FANCL: variants seen among roughly 807,000 people sequenced by gnomAD.
The protein encoded by FANCL is E3 ubiquitin-protein ligase FANCL.
FANCL carries 69 observed loss-of-function variants against 59.4 expected under a neutral mutation model. The observed-to-expected ratio is 1.16, with a 90% CI of 0.96 to 1.42. The LOEUF (loss-of-function observed/expected upper bound fraction) is 1.42, where lower values mean the gene tolerates loss of function less well. Among genes scored for constraint, FANCL ranks in the 40% most tolerant of loss-of-function variants. FANCL has a pLI of 0.00. For missense variants in FANCL, 519 were observed against 447.2 expected (o/e 1.16, Z -1.45); for synonymous variants, 180 against 147.1 (o/e 1.22, Z -1.62).
rs370169018 is a variant in FANCL, at chr2:58,220,374, T to C, written c.374+1568A>G. ...AAGAGGTATGGCCCACTCAGTCAAA[T>C]TTTAGTGGTTAAAACAAAAGGGAAA... On this transcript the variant is annotated intron_variant, in intron 5 of 13. Transcript: ENST00000233741. 3.3e-4 allele frequency among the ~76,000 whole-genome samples: 51 copies of C among 152,328 alleles called. 1 individual carries two copies. In the East Asian group the frequency reaches 5.6e-3, roughly 17 times the overall value.
In FANCL at chr2:58,226,749, C is replaced by T; in HGVS notation, c.252G>A (p.Met84Ile). 6.2e-7 allele frequency: 1 copy of T among 1,613,232 alleles called. No individual in the cohort carries two copies. Among genetic ancestry groups the T allele is most frequent in the Non-Finnish European group, 8.5e-7 (1 of 1,179,600 alleles). ...TTACCAAAAGCATCTTCAACTCCAT[C>T]ATAAAGCTCATTAGATCAGGAGAGT... ...MQHSPDLMSF[M>I]MELKMLLEVA... Residue 84 changes from methionine to isoleucine, a missense_variant, in exon 4 of 14, where the codon ATG becomes ATA. Coordinates refer to ENST00000233741, the MANE Select transcript of FANCL (RefSeq NM_018062.4).
chr2:58,241,321 A>G lies in FANCL; in HGVS notation c.-8T>C, dbSNP rs1289036448. On this transcript the variant is annotated 5_prime_UTR_variant, in exon 1 of 14. Transcript: ENST00000233741. ...CGCTTCCGTCACCGCCATGGCTCGA[A>G]GTCCGGAGAAACACAGAAAAGCTCT... is the stretch of plus-strand genomic sequence containing the variant. 6.2e-7 allele frequency: 1 copy of G among 1,613,886 alleles called. No individual in the cohort carries two copies. Among genetic ancestry groups the G allele is most frequent in the Admixed American group, 1.7e-5 (1 of 60,024 alleles).
chr2:58,234,839 G>A (rs1248799399), intron 1 of FANCL, among the ~76,000 whole-genome samples: 1 of 152,000 alleles, frequency 6.6e-6, no homozygotes, highest in Non-Finnish European at 1.5e-5. Context: ...AGAAACTGAA[G>A]AGAACTGCTT....
At chr2:58,213,018 T>C (rs1057353519) in intron 5 of FANCL, among the ~76,000 whole-genome samples, 4 of 152,206 alleles carry the variant, frequency 2.6e-5, no homozygotes, top group African/African-American at 9.6e-5. Flanking sequence ...TGATTAGAAA[T>C]ACCAAATATG....
intron 5 of FANCL, among the ~76,000 whole-genome samples, chr2:58,219,068 A>G (rs533254729): frequency 2.1e-5 from 3 of 145,700 alleles, no homozygotes; most frequent in Non-Finnish European, 4.5e-5. Flanking sequence ...GACTCCTTGG[A>G]AAAATGGCTG....
In FANCL at chr2:58,160,519, CT is replaced by C. The variant is rs921679590; in HGVS notation, c.1021-341del. 7.2e-5 allele frequency among the ~76,000 whole-genome samples: 11 copies of C among 152,156 alleles called. No homozygotes were observed. In the East Asian group the frequency reaches 1.2e-3, roughly 16 times the overall value. On this transcript the variant is annotated intron_variant, in intron 12 of 13. Transcript: ENST00000233741. ...ATACTAAGTTCCTGGCATTCATAGA[CT>C]TTCCCTAAATCCATTAATCACAAAT... is the stretch of plus-strand genomic sequence containing the variant.
At chr2:58,212,749 T>TAC (rs1323989027) in intron 5 of FANCL, among the ~76,000 whole-genome samples, 1 of 152,138 alleles carries the variant, frequency 6.6e-6, no homozygotes, top group Non-Finnish European at 1.5e-5. Flanking sequence ...GAGCCAGTGT[T>TAC]ACACCCAAAA....
intron 7 of FANCL, among the ~76,000 whole-genome samples, chr2:58,182,072 G>C (rs13397947): frequency 0.063 from 9,504 of 151,764 alleles, 997 homozygotes; most frequent in African/African-American, 0.22. Context: ...TTCTGAATCA[G>C]AGAATCTCAA....
chr2:58,170,148 T>G (rs1686421190), intron 7 of FANCL, among the ~76,000 whole-genome samples: 1 of 152,182 alleles, frequency 6.6e-6, no homozygotes, highest in Non-Finnish European at 1.5e-5. Context: ...AAGGTTGGGT[T>G]ACCCACAAAG....
intron 7 of FANCL, 62 bp from the exon 8 acceptor site, chr2:58,165,936 T>C: frequency 6.6e-7 from 1 of 1,521,770 alleles, no homozygotes; most frequent in Non-Finnish European, 9.1e-7. Context: ...GATAATCTTT[T>C]ACTTAAAATA....
intron 1 of FANCL, 48 bp from the exon 2 acceptor site, chr2:58,232,160 A>C (rs1432415301): frequency 6.9e-7 from 1 of 1,452,086 alleles, no homozygotes; most frequent in Non-Finnish European, 9.7e-7. Flanking sequence ...TCTTTCACTT[A>C]ATGCTGAGAA....
At chr2:58,201,070 CTAGA>C (rs1302343115) in intron 6 of FANCL, among the ~76,000 whole-genome samples, 1 of 149,786 alleles carries the variant, frequency 6.7e-6, no homozygotes, top group African/African-American at 2.4e-5. Context: ...AACTAGCATA[CTAGA>C]TATTCATTTT....
chr2:58,181,831 T>C (rs1687970491), intron 7 of FANCL, among the ~76,000 whole-genome samples: 1 of 151,940 alleles, frequency 6.6e-6, no homozygotes, highest in South Asian at 2.1e-4. Context: ...ACGTATGAGT[T>C]ATTTGTTATA....
At chr2:58,232,234 T>G (rs1401792259) in intron 1 of FANCL, 122 bp from the exon 2 acceptor site, 1 of 796,084 alleles carries the variant, frequency 1.3e-6, no homozygotes, top group African/African-American at 1.7e-5. Flanking sequence ...ATCAATTTTA[T>G]CCACATCTTT....
At chr2:58,182,809 A>G (rs1010495424) in intron 7 of FANCL, among the ~76,000 whole-genome samples, 2 of 151,672 alleles carry the variant, frequency 1.3e-5, no homozygotes, top group East Asian at 3.8e-4. Flanking sequence ...TCAATACTAG[A>G]TACTGGTGAT....
At chr2:58,238,784 T>C (rs1277625896) in intron 1 of FANCL, among the ~76,000 whole-genome samples, 2 of 152,084 alleles carry the variant, frequency 1.3e-5, no homozygotes, top group Non-Finnish European at 2.9e-5. Context: ...TTACAACCTA[T>C]TAAGGTGCAT....
At chr2:58,220,934 C>T (rs115454119) in intron 5 of FANCL, among the ~76,000 whole-genome samples, 1,606 of 152,218 alleles carry the variant, frequency 0.011, 28 homozygotes, top group African/African-American at 0.036. Flanking sequence ...TAAGAATTGC[C>T]GGGCGTGGTG....
chr2:58,228,597 G>C (rs998083424), intron 3 of FANCL, among the ~76,000 whole-genome samples: 14 of 152,150 alleles, frequency 9.2e-5, no homozygotes, highest in African/African-American at 3.4e-4. Flanking sequence ...CTGCAACAGA[G>C]ATCTTATGGC....
At chr2:58,164,430 A>G (rs140061002) in intron 8 of FANCL, among the ~76,000 whole-genome samples, 2 of 152,158 alleles carry the variant, frequency 1.3e-5, no homozygotes, top group Admixed American at 6.5e-5. Flanking sequence ...CTCATTTGGT[A>G]ACACATTATT....
Sources: gnomAD v4.1 joint callset for allele counts (sites outside exome capture counted in the v4.1 genomes callset) on GRCh38, gnomAD v4.1.1 for gene constraint, MANE v1.5 for transcripts, NCBI Gene and HGNC (gene_info 2026-07-23, HGNC 2026-07-21) for gene names.